LDLRAD3: variants seen among roughly 807,000 people sequenced by gnomAD.
The protein encoded by LDLRAD3 is low-density lipoprotein receptor class A domain-containing protein 3.
LDLRAD3 carries 20 observed loss-of-function variants against 29.4 expected under a neutral mutation model. That is an observed-to-expected ratio of 0.68 (90% CI 0.48 to 0.99). LDLRAD3 has a LOEUF of 0.99. LDLRAD3 is among the 50% of genes least tolerant of loss of function. The pLI is 0.00. For synonymous variants in LDLRAD3, 157 were observed against 192.7 expected (o/e 0.81, Z 1.53); for missense variants, 420 against 454.3 (o/e 0.92, Z 0.69).
intron 1 of LDLRAD3, among the ~76,000 whole-genome samples, chr11:36,005,471 G>A (rs967636437): frequency 9.2e-5 from 14 of 152,132 alleles, no homozygotes; most frequent in African/African-American, 2.4e-4. Context: ...ACCTCAGCCC[G>A]GACTTCATTG....
chr11:36,159,049 G>A (rs899955482), intron 4 of LDLRAD3, among the ~76,000 whole-genome samples: 3 of 152,294 alleles, frequency 2.0e-5, no homozygotes, highest in African/African-American at 7.2e-5. Flanking sequence ...CGTGTTGGCT[G>A]CTTTCTTAAA....
At chr11:36,136,943 A>G (rs1389799514) in intron 4 of LDLRAD3, among the ~76,000 whole-genome samples, 1 of 152,136 alleles carries the variant, frequency 6.6e-6, no homozygotes, top group Non-Finnish European at 1.5e-5. Flanking sequence ...CACCTGCCTC[A>G]GCCTCCCAAA....
chr11:36,165,703 T>G (rs576056871), intron 4 of LDLRAD3, among the ~76,000 whole-genome samples: 1 of 152,222 alleles, frequency 6.6e-6, no homozygotes, highest in South Asian at 2.1e-4. Flanking sequence ...AATTATTTAT[T>G]TTCATTCTAC....
intron 4 of LDLRAD3, among the ~76,000 whole-genome samples, chr11:36,105,921 T>C (rs550894353): frequency 1.3e-5 from 2 of 152,052 alleles, no homozygotes; most frequent in Non-Finnish European, 2.9e-5. Context: ...ATTCACTAAG[T>C]GCCAGAGCAG....
chr11:36,080,845 T>G (rs1194055890), intron 2 of LDLRAD3, among the ~76,000 whole-genome samples: 1 of 152,078 alleles, frequency 6.6e-6, no homozygotes, highest in Non-Finnish European at 1.5e-5. Flanking sequence ...TAGCAATGAG[T>G]TGTAATGTAA....
At chr11:36,195,561 A>G (rs1371465226) in intron 4 of LDLRAD3, among the ~76,000 whole-genome samples, 2 of 152,188 alleles carry the variant, frequency 1.3e-5, no homozygotes, top group Non-Finnish European at 2.9e-5. Context: ...TATAGAAAGA[A>G]CAGCTGAATA....
intron 1 of LDLRAD3, among the ~76,000 whole-genome samples, chr11:35,961,672 G>C (rs568374578): frequency 1.3e-5 from 2 of 152,126 alleles, no homozygotes; most frequent in South Asian, 2.1e-4. Context: ...CTTCTCAGTT[G>C]TGCTTTGGTT....
At chr11:36,180,644 G>A (rs1854747351) in intron 4 of LDLRAD3, among the ~76,000 whole-genome samples, 1 of 152,266 alleles carries the variant, frequency 6.6e-6, no homozygotes, top group Non-Finnish European at 1.5e-5. Context: ...ACCCTCATGT[G>A]GCTCATATTT....
intron 2 of LDLRAD3, among the ~76,000 whole-genome samples, chr11:36,056,251 C>A (rs1302923723): frequency 2.0e-5 from 3 of 152,070 alleles, no homozygotes; most frequent in African/African-American, 7.2e-5. Flanking sequence ...CCGCGGCCTC[C>A]CAAAGTGCTG....
chr11:36,170,826 G>T (rs554019085), intron 4 of LDLRAD3, among the ~76,000 whole-genome samples: 11 of 147,700 alleles, frequency 7.4e-5, no homozygotes, highest in African/African-American at 1.7e-4. Context: ...TTTTTGAGAC[G>T]GAGTCTCCCT....
chr11:36,151,831 C>G (rs1854282393), intron 4 of LDLRAD3, among the ~76,000 whole-genome samples: 1 of 152,144 alleles, frequency 6.6e-6, no homozygotes, highest in Non-Finnish European at 1.5e-5. Context: ...ACAGTTCCTC[C>G]CAGCCCACTG....
At chr11:36,216,910 A>G (rs1855360223) in intron 4 of LDLRAD3, among the ~76,000 whole-genome samples, 1 of 152,368 alleles carries the variant, frequency 6.6e-6, no homozygotes, top group South Asian at 2.1e-4. Flanking sequence ...TAAATGGGAC[A>G]GAGGAGAGGA....
At chr11:36,129,086 A>T (rs1853887142) in intron 4 of LDLRAD3, among the ~76,000 whole-genome samples, 1 of 152,126 alleles carries the variant, frequency 6.6e-6, no homozygotes, top group African/African-American at 2.4e-5. Context: ...GTAGAGAGGA[A>T]TAATGATGAG....
At chr11:36,210,103 G>A (rs928902257) in intron 4 of LDLRAD3, among the ~76,000 whole-genome samples, 2 of 152,190 alleles carry the variant, frequency 1.3e-5, no homozygotes, top group African/African-American at 4.8e-5. Flanking sequence ...TAATCCTGAG[G>A]TTCCCAGAGC....
chr11:36,172,429 A>T (rs1034626600), intron 4 of LDLRAD3, among the ~76,000 whole-genome samples: 1 of 151,350 alleles, frequency 6.6e-6, no homozygotes, highest in Non-Finnish European at 1.5e-5. Context: ...GCTTTCAACT[A>T]TTCCCCATTT....
intron 1 of LDLRAD3, among the ~76,000 whole-genome samples, chr11:36,007,527 G>A (rs1851900198): frequency 6.6e-6 from 1 of 152,292 alleles, no homozygotes; most frequent in South Asian, 2.1e-4. Context: ...GTGAGGGAGG[G>A]AAGAGGCGAA....
chr11:36,048,447 C>T (rs1165653788), intron 2 of LDLRAD3, among the ~76,000 whole-genome samples: 1 of 152,144 alleles, frequency 6.6e-6, no homozygotes, highest in Admixed American at 6.5e-5. Context: ...GGTGCTCCCT[C>T]CCTTGAAGCT....
intron 3 of LDLRAD3, among the ~76,000 whole-genome samples, chr11:36,091,147 G>A (rs72640805): frequency 0.024 from 3,604 of 152,294 alleles, 81 homozygotes; most frequent in East Asian, 0.1. Flanking sequence ...GGAAGACAAG[G>A]ACTGTGTGGA....
intron 4 of LDLRAD3, among the ~76,000 whole-genome samples, chr11:36,186,784 A>G (rs1474656899): frequency 3.9e-5 from 6 of 152,170 alleles, no homozygotes; most frequent in African/African-American, 7.2e-5. Flanking sequence ...GCATATGGCT[A>G]TGAGATTTTG....
Sources: gnomAD v4.1 joint callset for allele counts (sites outside exome capture counted in the v4.1 genomes callset) on GRCh38, gnomAD v4.1.1 for gene constraint, MANE v1.5 for transcripts, NCBI Gene and HGNC (gene_info 2026-07-23, HGNC 2026-07-21) for gene names.